The following DNER variants were observed in gnomAD, a reference collection of about 807,000 sequenced individuals.
DNER encodes the protein delta/notch like EGF repeat containing.
In DNER, 33 loss-of-function variants were observed where a neutral mutation model predicts 78.2. That is an observed-to-expected ratio of 0.42 (90% confidence interval 0.32 to 0.56). DNER has a LOEUF of 0.56. Ranked by LOEUF, DNER falls within the 20% of genes least tolerant of loss-of-function variation. The pLI, the probability that DNER is intolerant of heterozygous loss-of-function variation, is 0.11. For missense variants in DNER, 918 were observed against 975.3 expected (o/e 0.94, Z 0.78); for synonymous variants, 417 against 384.8 (o/e 1.08, Z -0.98).
At position 229,377,131 on chromosome 2, in the gene DNER, G is replaced by A. The variant is rs1692622343; in HGVS notation, c.1856-10012C>T. ...TTACAAGCTCCCAAAGGCAGGGTAT[G>A]TTTCATTAACCTTTATATTCCAGAA... On this transcript the variant is annotated intron_variant, in intron 11 of 12. Transcript: ENST00000341772. 3.3e-5 allele frequency among the ~76,000 whole-genome samples: 5 copies of A among 152,206 alleles called. No individual in the cohort carries two copies. In the South Asian group the frequency reaches 1.0e-3, roughly 32 times the overall value.
At chr2:229,466,514 C>T (rs1694809652) in intron 7 of DNER, among the ~76,000 whole-genome samples, 2 of 151,784 alleles carry the variant, frequency 1.3e-5, no homozygotes, top group Non-Finnish European at 2.9e-5. Flanking sequence ...TCAGACTCTA[C>T]CACCTGATTA....
At chr2:229,367,247 C>A (rs149147037) in intron 11 of DNER, 128 bp from the exon 12 acceptor site, 1 of 1,319,256 alleles carries the variant, frequency 7.6e-7, no homozygotes, top group East Asian at 2.5e-5. Flanking sequence ...TTATTTTCTA[C>A]GGATTATCCA....
intron 6 of DNER, among the ~76,000 whole-genome samples, chr2:229,511,846 C>T (rs892768813): frequency 6.6e-6 from 1 of 152,178 alleles, no homozygotes. Flanking sequence ...AGCCAAGAGA[C>T]ATATTGCGTA....
chr2:229,580,705 G>GA (rs1240615027), intron 4 of DNER, among the ~76,000 whole-genome samples: 1 of 152,136 alleles, frequency 6.6e-6, no homozygotes, highest in Admixed American at 6.5e-5. Flanking sequence ...AAGTGTGCAG[G>GA]AAAAAATCGG....
intron 1 of DNER, among the ~76,000 whole-genome samples, chr2:229,674,731 G>A (rs1420003737): frequency 6.6e-6 from 1 of 152,200 alleles, no homozygotes; most frequent in Non-Finnish European, 1.5e-5. Context: ...GACACTGGCT[G>A]GATTCAGGGG....
chr2:229,657,650 C>T (rs540280986), intron 1 of DNER, among the ~76,000 whole-genome samples: 2 of 152,288 alleles, frequency 1.3e-5, no homozygotes, highest in East Asian at 3.9e-4. Flanking sequence ...TACGATGTGA[C>T]AAGAAGATGA....
At chr2:229,692,185 C>T (rs979741844) in intron 1 of DNER, among the ~76,000 whole-genome samples, 7 of 152,192 alleles carry the variant, frequency 4.6e-5, no homozygotes, top group African/African-American at 1.7e-4. Context: ...CCCAGAGGGT[C>T]CTGACTAATA....
At chr2:229,585,766 T>A (rs1697483747) in intron 4 of DNER, 92 bp downstream of exon 4, 4 of 1,391,558 alleles carry the variant, frequency 2.9e-6, no homozygotes, top group Non-Finnish European at 4.0e-6. Context: ...ATTCAGATTA[T>A]CTGAGCAAAA....
chr2:229,697,382 G>A (rs533058682), intron 1 of DNER, among the ~76,000 whole-genome samples: 1 of 152,346 alleles, frequency 6.6e-6, no homozygotes, highest in East Asian at 1.9e-4. Context: ...CATGGATACA[G>A]TGTTTCCTTT....
Position 229,403,502 on chromosome 2 carries a change from G to A in DNER, c.1723+3730C>T, listed in dbSNP as rs190279153. On this transcript the variant is annotated intron_variant, in intron 10 of 12. Coordinates refer to ENST00000341772, the MANE Select transcript of DNER (RefSeq NM_139072.4). ...ACTTTTTTCCATGGAGCATCTCCTG[G>A]GACCAGTTTTCTGTTAAACGCATTA... is the stretch of plus-strand genomic sequence containing the variant. Among the ~76,000 whole-genome samples, 424 of 152,198 alleles carry A rather than the reference G, an allele frequency of 2.8e-3. 2 individuals are homozygous for A. The highest frequency in any genetic ancestry group is 9.1e-3 in the African/African-American group (378 of 41,518).
At chr2:229,465,651 G>A (rs1694788397) in intron 7 of DNER, among the ~76,000 whole-genome samples, 1 of 152,098 alleles carries the variant, frequency 6.6e-6, no homozygotes, top group Admixed American at 6.5e-5. Context: ...ATCAGAATAT[G>A]CATTTAAACA....
At chr2:229,642,086 T>C (rs1698635285) in intron 1 of DNER, among the ~76,000 whole-genome samples, 1 of 152,232 alleles carries the variant, frequency 6.6e-6, no homozygotes, top group Admixed American at 6.5e-5. Flanking sequence ...ACTTTTAATA[T>C]TTTTATTGCA....
chr2:229,570,768 A>G (rs1223287558), intron 4 of DNER, among the ~76,000 whole-genome samples: 1 of 152,084 alleles, frequency 6.6e-6, no homozygotes, highest in Non-Finnish European at 1.5e-5. Flanking sequence ...TGATGAGTAA[A>G]CAAAGAGGCA....
At chr2:229,614,225 A>G (rs1209342429) in intron 1 of DNER, among the ~76,000 whole-genome samples, 2 of 151,852 alleles carry the variant, frequency 1.3e-5, no homozygotes, top group Non-Finnish European at 2.9e-5. Flanking sequence ...TAAAAAATAA[A>G]AATAAATAAA....
chr2:229,567,108 C>T (rs1697124197), intron 4 of DNER, among the ~76,000 whole-genome samples: 2 of 152,244 alleles, frequency 1.3e-5, no homozygotes, highest in African/African-American at 4.8e-5. Context: ...CAGTTCCAAC[C>T]TTCTGCCTAC....
chr2:229,451,939 A>G (rs909373908), intron 7 of DNER, among the ~76,000 whole-genome samples: 2 of 152,246 alleles, frequency 1.3e-5, no homozygotes, highest in African/African-American at 4.8e-5. Flanking sequence ...GAATAGTCCA[A>G]GTAGAAATAA....
intron 1 of DNER, among the ~76,000 whole-genome samples, chr2:229,611,273 A>T (rs1317069845): frequency 6.6e-6 from 1 of 152,234 alleles, no homozygotes; most frequent in African/African-American, 2.4e-5. Flanking sequence ...GGATCCAACT[A>T]CTTAATAAAA....
At chr2:229,661,702 C>G (rs1699013578) in intron 1 of DNER, among the ~76,000 whole-genome samples, 1 of 152,162 alleles carries the variant, frequency 6.6e-6, no homozygotes, top group South Asian at 2.1e-4. Flanking sequence ...GTCAACCCTA[C>G]CTAAAGTAAA....
intron 7 of DNER, among the ~76,000 whole-genome samples, chr2:229,470,363 G>A (rs1194205337): frequency 6.6e-6 from 1 of 152,080 alleles, no homozygotes; most frequent in Admixed American, 6.5e-5. Context: ...GCTAATGTGG[G>A]AAGAGGGTCC....
Sources: gnomAD v4.1 joint callset for allele counts (sites outside exome capture counted in the v4.1 genomes callset) on GRCh38, gnomAD v4.1.1 for gene constraint, MANE v1.5 for transcripts, NCBI Gene and HGNC (gene_info 2026-07-23, HGNC 2026-07-21) for gene names.